Variants in SCNN1A observed in about 807,000 individuals in gnomAD.
The protein encoded by SCNN1A is sodium channel epithelial 1 subunit alpha, also known as epithelial sodium channel subunit alpha.
Under a neutral mutation model 68.6 loss-of-function variants are expected in SCNN1A, and 65 were observed. The ratio of observed to expected loss-of-function variants is 0.95; its 90% CI spans 0.78 to 1.16. The LOEUF (loss-of-function observed/expected upper bound fraction) is 1.16, where lower values mean the gene tolerates loss of function less well. Ranked by LOEUF, SCNN1A falls within the 50% of genes most tolerant of loss-of-function variation. The pLI is 0.00. For missense variants in SCNN1A, 880 were observed against 865.9 expected (o/e 1.02, Z -0.20); for synonymous variants, 357 against 353.3 (o/e 1.01, Z -0.12).
rs1948332371 is a variant in SCNN1A at position 6,349,417 on chromosome 12, G to C, written c.1361-12C>G. 6 of 1,567,662 alleles carry C rather than the reference G, an allele frequency of 3.8e-6. No homozygotes were observed. The highest frequency in any genetic ancestry group is 5.2e-6 in the Non-Finnish European group (6 of 1,153,762). On this transcript the variant is annotated splice_polypyrimidine_tract_variant and intron_variant, in intron 8 of 12. Transcript: ENST00000228916. ...ATAGTAGCAGTACCCTGTGGGTACA[G>C]AGAGATGCCTGTTCTCCTAGGGCAC...
At chr12:6,353,808 C>A (rs535084001) in intron 8 of SCNN1A, 2 of 140,446 alleles carry the variant, frequency 1.4e-5, no homozygotes, top group Non-Finnish European at 1.5e-5. Flanking sequence ...CCAGGATGGT[C>A]TCCATCTCCT....
At chr12:6,377,223 A>G (rs1357801588), upstream of SCNN1A, 2 of 1,538,416 alleles carry the variant, frequency 1.3e-6, no homozygotes. Flanking sequence ...GGTGTCAACC[A>G]GGATTCCAAA....
Position 6,355,299 on chromosome 12 carries a change from G to C in SCNN1A, c.1116C>G (p.Gly372=). ...TCCTCATGCTGATGGAGGTCTCCAC[G>C]CCAGGCCGCAAGTTAAAGCCACCAT... is the stretch of plus-strand genomic sequence containing the variant. ...MDDGGFNLRP[G]VETSISMRKE... Residue 372 remains glycine, a synonymous_variant, in exon 6 of 13, where the codon GGC becomes GGG. Coordinates refer to ENST00000228916, the MANE Select transcript of SCNN1A (RefSeq NM_001038.6). 1 of 1,613,366 alleles carries C rather than the reference G, an allele frequency of 6.2e-7. No homozygotes were observed. Among genetic ancestry groups the C allele is most frequent in the Non-Finnish European group, 8.5e-7 (1 of 1,179,714 alleles).
rs13306619 is a variant in SCNN1A at position 6,374,685 on chromosome 12, G to A, written c.99C>T (p.Pro33=). ...GNKREEQGLG[P]EPAAPQQPTA... ...TGGGCTGCTGGGGCGCCGCAGGTTC[G>A]GGGCCCAGCCCCTGCTCCTCACGCT... is the stretch of plus-strand genomic sequence containing the variant. Residue 33 remains proline (P), a synonymous_variant, in exon 2 of 13, where the codon CCC becomes CCT. Coordinates refer to ENST00000228916, the MANE Select transcript of SCNN1A (RefSeq NM_001038.6). The surrounding 1 kb of genome is among the most constrained non-coding windows in gnomAD (Gnocchi z 6.2). The A allele has an allele frequency of 8.0e-3, 12,838 of 1,613,896 alleles. 378 individuals carry two copies. The East Asian group carries it at 0.089, about 11-fold the overall frequency.
rs1359726907 is a variant in SCNN1A, at chr12:6,372,903, G to T, written c.416+1465C>A. ...GAGTTTTGGGATTAGGCGTAAACAG[G>T]ATGAGTCACAGCTCAGTCACTCTCT... On this transcript the variant is annotated intron_variant, in intron 2 of 12. Transcript: ENST00000228916. The surrounding 1 kb of genome is among the most constrained non-coding windows in gnomAD (Gnocchi z 5.8). 3.9e-5 allele frequency among the ~76,000 whole-genome samples: 6 copies of T among 152,204 alleles called. No homozygotes were observed. Among genetic ancestry groups the T allele is most frequent in the African/African-American group, 1.4e-4 (6 of 41,432 alleles).
At chr12:6,348,696 G>A (rs764294280) in intron 12 of SCNN1A, 31 bp downstream of exon 12, 2 of 1,580,650 alleles carry the variant, frequency 1.3e-6, no homozygotes, top group Non-Finnish European at 1.7e-6. Context: ...GACCCCCAGA[G>A]CATCACAGGC....
chr12:6,359,068 G>T (rs1261167812), intron 4 of SCNN1A, among the ~76,000 whole-genome samples: 1 of 152,140 alleles, frequency 6.6e-6, no homozygotes, highest in Non-Finnish European at 1.5e-5. Context: ...GAAAGCAGAA[G>T]AGTGGCTCTC....
At chr12:6,354,886 G>T in intron 6 of SCNN1A, 38 bp from the exon 7 acceptor site, 1 of 1,534,960 alleles carries the variant, frequency 6.5e-7, no homozygotes, top group Non-Finnish European at 9.0e-7. Flanking sequence ...AGAGGACAGA[G>T]CAAGTGCCTC....
chr12:6,353,451 TGG>T (rs1249306372), intron 8 of SCNN1A, among the ~76,000 whole-genome samples: 1 of 152,024 alleles, frequency 6.6e-6, no homozygotes. Flanking sequence ...CTAAGCGCCC[TGG>T]GCACTGAGCA....
rs1948852065 is a variant in SCNN1A at position 6,374,218 on chromosome 12, C to T, written c.416+150G>A. On this transcript the variant is annotated intron_variant, in intron 2 of 12. Coordinates refer to ENST00000228916, the MANE Select transcript of SCNN1A (RefSeq NM_001038.6). The surrounding 1 kb of genome is among the most constrained non-coding windows in gnomAD (Gnocchi z 6.2). ...CGCCAGTCCAGTAAGCTGGAGGCTCCTCATTTTGCCAGCAGTGAGCTCTAC... is the reference window on the plus strand; with the variant it reads ...CGCCAGTCCAGTAAGCTGGAGGCTCTTCATTTTGCCAGCAGTGAGCTCTAC... 4.6e-6 allele frequency: 4 copies of T among 865,514 alleles called. No individual in the cohort carries two copies. Among genetic ancestry groups the T allele is most frequent in the Middle Eastern group, 3.2e-4 (1 of 3,080 alleles). 53.6% of individuals were successfully genotyped at this position (865,514 alleles called of 1,614,324 possible).
At chr12:6,348,634 G>T in intron 12 of SCNN1A, 93 bp downstream of exon 12, 1 of 1,104,970 alleles carries the variant, frequency 9.1e-7, no homozygotes, top group Non-Finnish European at 1.4e-6. Context: ...AGAGCCTTCT[G>T]GCCCACAGAG....
chr12:6,375,203 CCTCT>C (rs941944009), intron 1 of SCNN1A: 5 of 1,446,168 alleles, frequency 3.5e-6, no homozygotes, highest in Non-Finnish European at 4.5e-6. Flanking sequence ...CCTCTCACTC[CCTCT>C]CTATCTGCCT....
intron 2 of SCNN1A, among the ~76,000 whole-genome samples, chr12:6,370,305 C>T (rs1424645032): frequency 6.6e-6 from 1 of 152,234 alleles, no homozygotes; most frequent in Non-Finnish European, 1.5e-5. Context: ...GCTTTTTCCA[C>T]TGTGTCTGCC....
At chr12:6,352,237 AAAT>A (rs60225515) in intron 8 of SCNN1A, among the ~76,000 whole-genome samples, 3 of 151,742 alleles carry the variant, frequency 2.0e-5, no homozygotes, top group South Asian at 2.1e-4. Context: ...GCTATTACCA[AAAT>A]AATAATAATA....
In SCNN1A at chr12:6,363,297, CT is replaced by C. The variant is rs940629062; in HGVS notation, c.684+145del. On this transcript the variant is annotated intron_variant, in intron 3 of 12. Transcript: ENST00000228916. ...TCTAGTTATTATTTGTATTTATTTACTTTTTTTTTTGCCCGCGAGCCCACGA... is the reference window on the plus strand; with the variant it reads ...TCTAGTTATTATTTGTATTTATTTACTTTTTTTTTGCCCGCGAGCCCACGA... The C allele has an allele frequency of 7.0e-3, 3,401 of 482,980 alleles. 2 individuals carry two copies. The highest frequency in any genetic ancestry group is 0.015 in the South Asian group (404 of 27,228). 29.9% of individuals were successfully genotyped at this position (482,980 alleles called of 1,614,324 possible).
chr12:6,351,475 T>C lies in SCNN1A; in HGVS notation c.1361-2070A>G, dbSNP rs1948385412. Among the ~76,000 whole-genome samples, 2 of 151,808 alleles carry C rather than the reference T, an allele frequency of 1.3e-5. No homozygotes were observed. The highest frequency in any genetic ancestry group is 1.3e-4 in the Admixed American group (2 of 15,244). On this transcript the variant is annotated intron_variant, in intron 8 of 12. Coordinates refer to ENST00000228916, the MANE Select transcript of SCNN1A (RefSeq NM_001038.6). The surrounding 1 kb of genome is among the most constrained non-coding windows in gnomAD (Gnocchi z 4.2). ...CATCTCTACTAAAAAATACAAAAATTAGCTGGGCTTGGCAGCATGCGCCTG... is the reference window on the plus strand; with the variant it reads ...CATCTCTACTAAAAAATACAAAAATCAGCTGGGCTTGGCAGCATGCGCCTG...
At position 6,374,628 on chromosome 12, in the gene SCNN1A, G is replaced by A; in HGVS notation, c.156C>T (p.His52=). 1 of 1,613,692 alleles carries A rather than the reference G, an allele frequency of 6.2e-7. No individual in the cohort carries two copies. Among genetic ancestry groups the A allele is most frequent in the Non-Finnish European group, 8.5e-7 (1 of 1,179,752 alleles). ...TAEEEALIEF[H]RSYRELFEFF... The stretch of plus-strand genomic sequence containing the variant: ...ACTCGAAGAGCTCTCGGTAGGAGCG[G>A]TGGAACTCGATCAGGGCCTCCTCCT... The change falls in exon 2 of 13, where the codon CAC becomes CAT. Residue 52 remains histidine (H), a synonymous_variant. Transcript: ENST00000228916. The surrounding 1 kb of genome is among the most constrained non-coding windows in gnomAD (Gnocchi z 6.2).
upstream of SCNN1A, among the ~76,000 whole-genome samples, chr12:6,376,423 C>T (rs16932569): frequency 1.8e-3 from 277 of 152,278 alleles, 6 homozygotes; most frequent in East Asian, 0.038. Context: ...AGAGGCAGCG[C>T]GAGGGCCACG....
At position 6,374,777 on chromosome 12, in the gene SCNN1A, C is replaced by T. The variant is rs1247800377; in HGVS notation, c.7G>A (p.Gly3Arg). 6.2e-7 allele frequency: 1 copy of T among 1,613,966 alleles called. No homozygotes were observed. ...GAGTCCTGCTCCTCCAGCTTGTTCC[C>T]CTCCATGAGACCTGGTATGGGCTGC... ME[G>R]NKLEEQDSSP... The change falls in exon 2 of 13, where the codon GGG becomes AGG. Residue 3 changes from glycine (G) to arginine (R), a missense_variant. Physicochemically the swap from Gly to Arg is moderately radical, Grantham distance 125. Around this residue, in one of 3 missense-constraint regions of SCNN1A, gnomAD observed 77 missense variants for 67.4 expected, o/e 1.14. Coordinates refer to ENST00000228916, the MANE Select transcript of SCNN1A (RefSeq NM_001038.6). The surrounding 1 kb of genome is among the most constrained non-coding windows in gnomAD (Gnocchi z 6.2).
Sources: gnomAD v4.1 joint callset for allele counts (sites outside exome capture counted in the v4.1 genomes callset) on GRCh38, gnomAD v4.1.1 for gene constraint, gnomAD v4.1.1 regional missense constraint, Gnocchi (gnomAD v3.1) non-coding constraint, MANE v1.5 for transcripts, NCBI Gene and HGNC (gene_info 2026-07-23, HGNC 2026-07-21) for gene names.